The following ALKAL1 variants were observed in gnomAD, a reference collection of about 807,000 sequenced individuals.
The protein encoded by ALKAL1 is AUG-beta.
A neutral mutation model predicts 13.5 loss-of-function variants in ALKAL1; 23 were observed. The observed-to-expected ratio is 1.70, with a 90% CI of 1.23 to 2.41. The LOEUF is 2.41. ALKAL1 is among the 30% of genes most tolerant of loss of function. ALKAL1 has a pLI of 0.00. For missense variants in ALKAL1, 181 were observed against 178.4 expected, an observed-to-expected ratio of 1.01 and a Z score of -0.08; for synonymous variants, 85 against 77.7, an observed-to-expected ratio of 1.09 and a Z score of -0.49.
intron 1 of ALKAL1, among the ~76,000 whole-genome samples, chr8:52,559,019 C>G (rs956830146): frequency 6.6e-6 from 1 of 152,018 alleles, no homozygotes. Context: ...AGGGGAGGGG[C>G]CAGGCTCTTT....
At chr8:52,540,499 G>A (rs1847302726) in intron 2 of ALKAL1, among the ~76,000 whole-genome samples, 2 of 152,134 alleles carry the variant, frequency 1.3e-5, no homozygotes, top group Admixed American at 1.3e-4. Context: ...GCCAAGGCAG[G>A]AGGATCACTT....
chr8:52,551,447 C>T (rs541961470), intron 1 of ALKAL1, among the ~76,000 whole-genome samples: 1 of 151,346 alleles, frequency 6.6e-6, no homozygotes, highest in African/African-American at 2.4e-5. Context: ...GGCATGCCAC[C>T]ATGCCCGGCT....
At chr8:52,539,589 G>C (rs557917024) in intron 3 of ALKAL1, among the ~76,000 whole-genome samples, 1 of 152,142 alleles carries the variant, frequency 6.6e-6, no homozygotes, top group East Asian at 1.9e-4. Flanking sequence ...AAACACTTTA[G>C]TCTTTAAGGA....
intron 1 of ALKAL1, among the ~76,000 whole-genome samples, chr8:52,555,822 G>C (rs1018323449): frequency 6.6e-6 from 1 of 152,080 alleles, no homozygotes; most frequent in African/African-American, 2.4e-5. Flanking sequence ...CTCATGACCC[G>C]CCCTGGTGCT....
At chr8:52,564,450 T>C (rs1283012262) in intron 1 of ALKAL1, among the ~76,000 whole-genome samples, 1 of 152,188 alleles carries the variant, frequency 6.6e-6, no homozygotes, top group African/African-American at 2.4e-5. Context: ...GCAGCGACTT[T>C]TTCCTCCCTC....
chr8:52,543,366 G>A (rs562966471), intron 1 of ALKAL1, among the ~76,000 whole-genome samples: 4 of 152,344 alleles, frequency 2.6e-5, no homozygotes, highest in African/African-American at 7.2e-5. Flanking sequence ...CCAGCACAAG[G>A]CAGTGGTGAC....
In ALKAL1 at chr8:52,564,980, C is replaced by T. The variant is rs191039690; in HGVS notation, c.190+87G>A. ...TCTGCTGTACTAATCTCAGGCTTCC[C>T]AAAGCGAGTGCCTCGCCCAGCTCCT... On this transcript the variant is annotated intron_variant, in intron 1 of 4. Transcript: ENST00000358543. 1,319 of 1,127,282 alleles carry T rather than the reference C, an allele frequency of 1.2e-3. 17 individuals carry two copies. In the African/African-American group the frequency reaches 0.019, roughly 16 times the overall value. The allele number at this position is 1,127,282 out of a possible 1,614,324, so 69.8% of individuals were successfully genotyped here. A position where few individuals can be genotyped will look rare whatever the true frequency, so the allele number is the denominator to read the frequency against.
intron 3 of ALKAL1, among the ~76,000 whole-genome samples, chr8:52,538,868 GTTTTA>G (rs1009084149): frequency 1.3e-5 from 2 of 151,636 alleles, no homozygotes; most frequent in Non-Finnish European, 2.9e-5. Context: ...AAGTTGTTTT[GTTTTA>G]TTTTATTTTA....
At chr8:52,558,347 CAAAAAAAAAA>C (rs398007812) in intron 1 of ALKAL1, among the ~76,000 whole-genome samples, 4 of 18,876 alleles carry the variant, frequency 2.1e-4, no homozygotes, top group South Asian at 2.7e-3. Context: ...GACTCCATCT[CAAAAAAAAAA>C]AAAAAAAAAA....
At chr8:52,563,010 G>C (rs550165541) in intron 1 of ALKAL1, among the ~76,000 whole-genome samples, 12 of 152,322 alleles carry the variant, frequency 7.9e-5, no homozygotes, top group South Asian at 6.2e-4. Context: ...TGTGAATGTA[G>C]TATAGCAATC....
At chr8:52,540,816 G>A (rs531071667) in intron 2 of ALKAL1, among the ~76,000 whole-genome samples, 6 of 152,182 alleles carry the variant, frequency 3.9e-5, no homozygotes, top group Middle Eastern at 3.4e-3. Flanking sequence ...TGGGGTCTAC[G>A]GTCATGTCGC....
Position 52,542,441 on chromosome 8 carries a change from T to C in ALKAL1, c.195A>G (p.Ile65Met). ...RTPSGSRSAE[I>M]FPRDSNLKDK... ...CTTTTAAGTTAGAGTCTCTTGGGAATATTTCTGAAAAGAAAAAAAAAACCA... is the reference window on the plus strand; with the variant it reads ...CTTTTAAGTTAGAGTCTCTTGGGAACATTTCTGAAAAGAAAAAAAAAACCA... The change falls in exon 2 of 5, where the codon ATA becomes ATG. Residue 65 changes from isoleucine to methionine, a missense_variant. Transcript: ENST00000358543. 6.5e-7 allele frequency: 1 copy of C among 1,529,628 alleles called. No individual in the cohort carries two copies. The allele number at this position is 1,529,628 out of a possible 1,614,324, so 94.8% of individuals were successfully genotyped here. A position where few individuals can be genotyped will look rare whatever the true frequency, so the allele number is the denominator to read the frequency against.
chr8:52,538,201 A>T (rs986478638), intron 4 of ALKAL1, among the ~76,000 whole-genome samples: 3 of 152,176 alleles, frequency 2.0e-5, no homozygotes, highest in African/African-American at 7.2e-5. Context: ...CTGTAGGGTG[A>T]ATCTGGTTAA....
chr8:52,549,743 A>T (rs1460696613), intron 1 of ALKAL1, among the ~76,000 whole-genome samples: 1 of 152,100 alleles, frequency 6.6e-6, no homozygotes, highest in Non-Finnish European at 1.5e-5. Context: ...GGAGTTCGAG[A>T]CCAGCCTGGC....
rs1281846730 is a variant in ALKAL1, at chr8:52,535,677, TA to T, written c.*13-1078del. Among the ~76,000 whole-genome samples, 6 of 151,814 alleles carry T rather than the reference TA, an allele frequency of 4.0e-5. 1 individual carries two copies. The highest frequency in any genetic ancestry group is 1.9e-4 in the East Asian group (1 of 5,176). On this transcript the variant is annotated intron_variant, in intron 4 of 4. Transcript: ENST00000358543. Reference sequence around the variant, plus strand: ...AATAATCTAGTTTATTTTCTTAATCTAAAAAAAATTGTTTTCAATTTAGCAA... The same window carrying T: ...AATAATCTAGTTTATTTTCTTAATCTAAAAAAATTGTTTTCAATTTAGCAA...
At chr8:52,552,889 C>A (rs1234652183) in intron 1 of ALKAL1, among the ~76,000 whole-genome samples, 1 of 152,168 alleles carries the variant, frequency 6.6e-6, no homozygotes, top group Non-Finnish European at 1.5e-5. Flanking sequence ...TGGAGAATGG[C>A]ATTAGAAACC....
chr8:52,556,564 G>A (rs1253668905), intron 1 of ALKAL1, among the ~76,000 whole-genome samples: 4 of 144,548 alleles, frequency 2.8e-5, no homozygotes, highest in South Asian at 2.3e-4. Context: ...GGAGAATGGC[G>A]TGAACCCGGG....
chr8:52,550,829 G>GT (rs1847421739), intron 1 of ALKAL1, among the ~76,000 whole-genome samples: 1 of 152,078 alleles, frequency 6.6e-6, no homozygotes, highest in Non-Finnish European at 1.5e-5. Flanking sequence ...TAAGACATCA[G>GT]TTATACTGAA....
chr8:52,539,781 C>T, intron 3 of ALKAL1, 50 bp downstream of exon 3: 1 of 1,312,948 alleles, frequency 7.6e-7, no homozygotes, highest in Non-Finnish European at 1.1e-6. Context: ...AAATTAAACG[C>T]ATTTATTGTT....
Sources: gnomAD v4.1 joint callset for allele counts (sites outside exome capture counted in the v4.1 genomes callset) on GRCh38, gnomAD v4.1.1 for gene constraint, MANE v1.5 for transcripts, NCBI Gene and HGNC (gene_info 2026-07-23, HGNC 2026-07-21) for gene names.